The following PKN2 variants were observed in gnomAD, a reference collection of about 807,000 sequenced individuals.
The protein encoded by PKN2 is protein kinase N2, also known as serine/threonine-protein kinase N2.
Under a neutral mutation model 119.1 loss-of-function variants are expected in PKN2, and 38 were observed. The ratio of observed to expected loss-of-function variants is 0.32; its 90% CI spans 0.25 to 0.42. The LOEUF is 0.42. PKN2 is among the 10% of genes least tolerant of loss of function. The pLI, the probability that PKN2 is intolerant of heterozygous loss-of-function variation, is 1.00. For missense variants in PKN2, 850 were observed against 1,165.1 expected (o/e 0.73, Z 3.94); for synonymous variants, 390 against 384.9 (o/e 1.01, Z -0.15).
intron 11 of PKN2, 87 bp downstream of exon 11, chr1:88,805,758 C>G (rs897102458): frequency 1.3e-6 from 2 of 1,597,990 alleles, no homozygotes; most frequent in Admixed American, 3.5e-5. Flanking sequence ...CTGAGTCTTG[C>G]TTTTTTCCCA....
rs61274505 is a variant in PKN2, at chr1:88,737,548, G to T, written c.49-3440G>T. Reference sequence around the variant, plus strand: ...CCACCAGGACTACTACATCCCCGGGGCACCAATCAGGCCCATACCACTGTA... The same window carrying T: ...CCACCAGGACTACTACATCCCCGGGTCACCAATCAGGCCCATACCACTGTA... On this transcript the variant is annotated intron_variant, in intron 1 of 21. Coordinates refer to ENST00000370521, the MANE Select transcript of PKN2 (RefSeq NM_006256.4). Among the ~76,000 whole-genome samples, 769 of 152,234 alleles carry T rather than the reference G, an allele frequency of 5.1e-3. 3 individuals are homozygous for T. Among genetic ancestry groups the T allele is most frequent in the African/African-American group, 0.017 (724 of 41,536 alleles).
chr1:88,764,170 A>T (rs1214711538), intron 3 of PKN2, among the ~76,000 whole-genome samples: 1 of 151,930 alleles, frequency 6.6e-6, no homozygotes, highest in Non-Finnish European at 1.5e-5. Flanking sequence ...CTCTCATTAC[A>T]CTCTAGCTAC....
intron 2 of PKN2, among the ~76,000 whole-genome samples, chr1:88,746,456 G>A (rs984960904): frequency 6.6e-6 from 1 of 151,838 alleles, no homozygotes; most frequent in Non-Finnish European, 1.5e-5. Context: ...GACCTGAGTA[G>A]ACATTTATCA....
chr1:88,774,521 A>G (rs151193647), intron 6 of PKN2, among the ~76,000 whole-genome samples: 1 of 152,182 alleles, frequency 6.6e-6, no homozygotes, highest in Non-Finnish European at 1.5e-5. Flanking sequence ...CACTGGGGGA[A>G]ATTCCAAAGG....
chr1:88,710,216 A>G (rs761494067), intron 1 of PKN2, among the ~76,000 whole-genome samples: 2 of 152,216 alleles, frequency 1.3e-5, no homozygotes, highest in African/African-American at 2.4e-5. Context: ...ATTAAGTGCC[A>G]TATTAGTATA....
At chr1:88,820,233 T>TATATATAA (rs1672212653) in intron 16 of PKN2, among the ~76,000 whole-genome samples, 3 of 52,722 alleles carry the variant, frequency 5.7e-5, no homozygotes, top group Non-Finnish European at 1.1e-4. Flanking sequence ...TATATATATA[T>TATATATAA]AAATAGAAAA....
intron 8 of PKN2, among the ~76,000 whole-genome samples, chr1:88,793,837 G>GA (rs960255404): frequency 6.6e-6 from 1 of 151,498 alleles, no homozygotes; most frequent in East Asian, 1.9e-4. Flanking sequence ...ATATTGACAA[G>GA]AAAAAAAAGT....
intron 1 of PKN2, among the ~76,000 whole-genome samples, chr1:88,688,247 G>A (rs923271524): frequency 6.6e-5 from 10 of 151,962 alleles, no homozygotes; most frequent in Non-Finnish European, 8.8e-5. Context: ...CACCACACCC[G>A]GCTAATTTTT....
At position 88,807,331 on chromosome 1, in the gene PKN2, G is replaced by A. The variant is rs1671586161; in HGVS notation, c.1822G>A (p.Asp608Asn). ...IPGQDSETVF[D>N]IQNDRNSILP... ...TTTACAGGATTCAGAGACTGTTTTT[G>A]ATATTCAGAATGACAGAAATAGTAT... Residue 608 changes from aspartate to asparagine, a missense_variant, in exon 13 of 22, where the codon GAT (aspartate) becomes AAT (asparagine). Physicochemically the swap from Asp to Asn is conservative, Grantham distance 23 (BLOSUM62 1). Around this residue, in one of 9 missense-constraint regions of PKN2, gnomAD observed 216 missense variants for 252.8 expected, o/e 0.85. Coordinates refer to ENST00000370521, the MANE Select transcript of PKN2 (RefSeq NM_006256.4). 6.4e-7 allele frequency: 1 copy of A among 1,571,832 alleles called. No individual in the cohort carries two copies. The highest frequency in any genetic ancestry group is 1.2e-5 in the South Asian group (1 of 86,426).
intron 1 of PKN2, among the ~76,000 whole-genome samples, chr1:88,711,877 CAT>C (rs1298673404): frequency 6.6e-6 from 1 of 152,018 alleles, no homozygotes; most frequent in African/African-American, 2.4e-5. Context: ...CTAATATAAA[CAT>C]ATATGATTGG....
intron 1 of PKN2, among the ~76,000 whole-genome samples, chr1:88,716,397 A>G (rs1667455279): frequency 6.6e-6 from 1 of 152,208 alleles, no homozygotes; most frequent in South Asian, 2.1e-4. Context: ...CTGGGGTGTT[A>G]AAGTCTCCCA....
intron 2 of PKN2, among the ~76,000 whole-genome samples, chr1:88,753,066 G>A (rs1669063174): frequency 6.6e-6 from 1 of 152,022 alleles, no homozygotes; most frequent in Admixed American, 6.6e-5. Flanking sequence ...CTTATCAAAG[G>A]CAGTAGTCTA....
chr1:88,815,082 C>G (rs1671931189), intron 16 of PKN2, among the ~76,000 whole-genome samples: 1 of 152,194 alleles, frequency 6.6e-6, no homozygotes, highest in South Asian at 2.1e-4. Flanking sequence ...AATTCATTCC[C>G]TCAATATTTA....
Position 88,828,488 on chromosome 1 carries a change from A to C in PKN2, c.2427A>C (p.Gly809=). The change falls in exon 19 of 22, where the codon GGA becomes GGC. Residue 809 remains glycine, a synonymous_variant. Transcript: ENST00000370521. ...ADFGLCKEGM[G]YGDRTSTFCG... is the part of the protein sequence containing the mutation. ...ACATTTTATCTTTTCCAGGAATGGG[A>C]TATGGAGATAGAACAAGCACATTTT... 1 of 1,608,750 alleles carries C rather than the reference A, an allele frequency of 6.2e-7. No homozygotes were observed. Among genetic ancestry groups the C allele is most frequent in the Non-Finnish European group, 8.5e-7 (1 of 1,175,960 alleles).
intron 2 of PKN2, among the ~76,000 whole-genome samples, chr1:88,744,342 C>T (rs964134421): frequency 3.3e-5 from 5 of 152,176 alleles, no homozygotes; most frequent in Non-Finnish European, 5.9e-5. Context: ...GTAAGCAGAA[C>T]AAATGACTGA....
At chr1:88,740,635 AG>A (rs1668540674) in intron 1 of PKN2, among the ~76,000 whole-genome samples, 1 of 152,172 alleles carries the variant, frequency 6.6e-6, no homozygotes, top group African/African-American at 2.4e-5. Context: ...TGAAAAGTTA[AG>A]TAACTTGCTC....
intron 1 of PKN2, among the ~76,000 whole-genome samples, chr1:88,719,618 A>T (rs1667588339): frequency 6.6e-6 from 1 of 152,194 alleles, no homozygotes; most frequent in East Asian, 1.9e-4. Flanking sequence ...TGCTTGAAAT[A>T]GATATGCTAC....
chr1:88,794,895 A>G (rs1217607567), intron 8 of PKN2, among the ~76,000 whole-genome samples: 1 of 152,156 alleles, frequency 6.6e-6, no homozygotes, highest in Non-Finnish European at 1.5e-5. Flanking sequence ...CCTGCTGTGG[A>G]AACTCCCAAT....
intron 6 of PKN2, among the ~76,000 whole-genome samples, chr1:88,778,159 A>G (rs1474472014): frequency 6.6e-6 from 1 of 152,240 alleles, no homozygotes; most frequent in Non-Finnish European, 1.5e-5. Flanking sequence ...TAAAATGTAC[A>G]AAACCAAGCT....
Sources: gnomAD v4.1 joint callset for allele counts (sites outside exome capture counted in the v4.1 genomes callset) on GRCh38, gnomAD v4.1.1 for gene constraint, gnomAD v4.1.1 regional missense constraint, MANE v1.5 for transcripts, NCBI Gene and HGNC (gene_info 2026-07-23, HGNC 2026-07-21) for gene names.